RDH13: variants seen among roughly 807,000 people sequenced by gnomAD.
RDH13 encodes the protein retinol dehydrogenase 13 (all-trans and 9-cis).
In RDH13, 35 loss-of-function variants were observed where a neutral mutation model predicts 28.3. The observed-to-expected ratio is 1.24, with a 90% confidence interval of 0.95 to 1.64. The LOEUF is 1.64. Ranked by LOEUF, RDH13 falls within the 40% of genes most tolerant of loss-of-function variation. The pLI is 0.00. For missense variants in RDH13, 514 were observed against 446.3 expected (o/e 1.15, Z -1.37); for synonymous variants, 229 against 198.5 (o/e 1.15, Z -1.29).
At chr19:55,041,454 T>C (rs958124983), downstream of RDH13, 6 of 152,260 alleles carry the variant, frequency 3.9e-5, no homozygotes, top group Non-Finnish European at 5.9e-5. Flanking sequence ...CGGTGACACA[T>C]ATAGGTGGGA....
In RDH13 at chr19:55,047,087, G is replaced by C. The variant is rs1035673170; in HGVS notation, c.760+300C>G. On this transcript the variant is annotated intron_variant, in intron 6 of 6. Transcript: ENST00000415061. ...TTCCCCAGGAGGTGCAGCTGGTTTG[G>C]GGTGAAGCTGGAGTTACCCTGAGTA... The C allele has an allele frequency of 3.7e-5, 48 of 1,284,642 alleles. 1 individual carries two copies. In the Middle Eastern group the frequency reaches 1.5e-3, roughly 39 times the overall value. The allele number at this position is 1,284,642 out of a possible 1,614,324, so 79.6% of individuals were successfully genotyped here. A position where few individuals can be genotyped will look rare whatever the true frequency, so the allele number is the denominator to read the frequency against.
chr19:55,051,674 C>G (rs572282126), intron 3 of RDH13, among the ~76,000 whole-genome samples: 1 of 151,624 alleles, frequency 6.6e-6, no homozygotes, highest in Non-Finnish European at 1.5e-5. Context: ...GTGATCCACC[C>G]GCCTCTGCCT....
At chr19:55,048,213 T>G in intron 5 of RDH13, 116 bp downstream of exon 5, 1 of 1,550,650 alleles carries the variant, frequency 6.4e-7, no homozygotes, top group Non-Finnish European at 8.7e-7. Flanking sequence ...CATGCTCTAC[T>G]TTTGCTGACT....
Position 55,047,417 on chromosome 19 carries a change from G to T in RDH13, c.730C>A (p.His244Asn), listed in dbSNP as rs2075272861. The T allele has an allele frequency of 1.2e-5, 20 of 1,611,962 alleles. No individual in the cohort carries two copies. The highest frequency in any genetic ancestry group is 1.5e-5 in the Non-Finnish European group (18 of 1,179,954). The change falls in exon 6 of 7, where the codon CAT becomes AAT. Residue 244 changes from histidine (H) to asparagine (N), a missense_variant. His to Asn is a moderately conservative substitution (Grantham distance 68, BLOSUM62 1). Coordinates refer to ENST00000415061, the MANE Select transcript of RDH13 (RefSeq NM_001145971.2). ...GTGGTGCTGGAGAAGGTGGAGCCAT[G>T]GATGCCCGTGTGTCTGCCCAGCTCT... is the stretch of plus-strand genomic sequence containing the variant. ...RTELGRHTGI[H>N]GSTFSSTTLG...
At chr19:55,067,718 G>C (rs1168517441), upstream of RDH13, 1 of 152,242 alleles carries the variant, frequency 6.6e-6, no homozygotes, top group African/African-American at 2.4e-5. Flanking sequence ...AGTATGGACT[G>C]GAGAGAAGCA....
At chr19:55,065,532 A>T (rs927965888), upstream of RDH13, among the ~76,000 whole-genome samples, 6 of 151,524 alleles carry the variant, frequency 4.0e-5, no homozygotes, top group African/African-American at 1.5e-4. Context: ...ATTGACTTCC[A>T]GGACAGAGAT....
At chr19:55,056,618 C>T in intron 3 of RDH13, 35 bp downstream of exon 3, 1 of 1,611,574 alleles carries the variant, frequency 6.2e-7, no homozygotes, top group Non-Finnish European at 8.5e-7. Context: ...GCCGCCTATC[C>T]CAGTCCTCAT....
At chr19:55,053,770 G>A (rs2075539783) in intron 3 of RDH13, 1 of 152,160 alleles carries the variant, frequency 6.6e-6, no homozygotes, top group Non-Finnish European at 1.5e-5. Context: ...GGTGTGTCCA[G>A]CCGGGGTCCT....
At chr19:55,066,322 C>A (rs577534840), upstream of RDH13, among the ~76,000 whole-genome samples, 103 of 152,038 alleles carry the variant, frequency 6.8e-4, no homozygotes, top group Middle Eastern at 0.014. Context: ...CCTTTGCTTT[C>A]CCCATCAGAG....
chr19:55,044,245 C>T (rs1214376218), downstream of RDH13: 3 of 152,164 alleles, frequency 2.0e-5, no homozygotes, highest in African/African-American at 7.2e-5. Context: ...GGAATAAAGC[C>T]ATGAGTTGCC....
rs1282023012 is a variant in RDH13 at position 55,045,290 on chromosome 19, C to T, written c.780G>A (p.Leu260=). The change falls in exon 7 of 7, where the codon CTG becomes CTA. Residue 260 remains leucine, a synonymous_variant. Coordinates refer to ENST00000415061, the MANE Select transcript of RDH13 (RefSeq NM_001145971.2). ...GGGCGGCCAGCTCGGGGCTCTTGAC[C>T]AGCAGCCAGAAGATGGGCCCTGCAA... ...STTLGPIFWL[L]VKSPELAAQP... 6.2e-7 allele frequency: 1 copy of T among 1,612,596 alleles called. No homozygotes were observed. Among genetic ancestry groups the T allele is most frequent in the Non-Finnish European group, 8.5e-7 (1 of 1,179,842 alleles).
chr19:55,064,774 G>T (rs964156166), upstream of RDH13, among the ~76,000 whole-genome samples: 1 of 74,826 alleles, frequency 1.3e-5, no homozygotes, highest in Admixed American at 1.4e-4. Context: ...CACCACACCC[G>T]GCTAATTTTT....
At chr19:55,042,297 G>C (rs1315877367), downstream of RDH13, 1 of 152,184 alleles carries the variant, frequency 6.6e-6, no homozygotes, top group Non-Finnish European at 1.5e-5. Flanking sequence ...GACCCTGTCA[G>C]TTGCCATCGC....
At chr19:55,069,168 C>A (rs925690960) in intron 1 of RDH13, among the ~76,000 whole-genome samples, 1 of 150,166 alleles carries the variant, frequency 6.7e-6, no homozygotes, top group Non-Finnish European at 1.5e-5. Context: ...GCCACGATCC[C>A]TCCCAGAGAA....
intron 2 of RDH13, among the ~76,000 whole-genome samples, chr19:55,057,954 T>C (rs1292417929): frequency 1.3e-5 from 2 of 151,758 alleles, no homozygotes; most frequent in African/African-American, 4.8e-5. Context: ...TGGCTAACTC[T>C]GGTAGAGATG....
chr19:55,056,078 C>T (rs139448120), intron 3 of RDH13, among the ~76,000 whole-genome samples: 56 of 152,106 alleles, frequency 3.7e-4, no homozygotes, highest in African/African-American at 1.2e-3. Context: ...CATTTGAAAT[C>T]GGGAGACGGA....
At chr19:55,066,241 C>T (rs575787854), upstream of RDH13, among the ~76,000 whole-genome samples, 1 of 152,298 alleles carries the variant, frequency 6.6e-6, no homozygotes, top group African/African-American at 2.4e-5. Context: ...TTACCATTTT[C>T]CTGGTTGTTA....
upstream of RDH13, among the ~76,000 whole-genome samples, chr19:55,065,400 A>C (rs559174737): frequency 2.6e-5 from 4 of 151,536 alleles, 1 homozygote; most frequent in East Asian, 7.9e-4. Context: ...AATAATAATA[A>C]ATGTTTACAT....
At chr19:55,048,230 T>C (rs1309451569) in intron 5 of RDH13, 99 bp downstream of exon 5, 2 of 1,566,666 alleles carry the variant, frequency 1.3e-6, no homozygotes, top group Non-Finnish European at 8.6e-7. Flanking sequence ...GACTCTGTTC[T>C]GGATCCACCG....
Sources: gnomAD v4.1 joint callset for allele counts (sites outside exome capture counted in the v4.1 genomes callset) on GRCh38, gnomAD v4.1.1 for gene constraint, MANE v1.5 for transcripts, NCBI Gene and HGNC (gene_info 2026-07-23, HGNC 2026-07-21) for gene names.